ESYT2: variants seen among roughly 807,000 people sequenced by gnomAD.
The protein encoded by ESYT2 is extended synaptotagmin-2.
Under a neutral mutation model 107.2 loss-of-function variants are expected in ESYT2, and 54 were observed. The observed-to-expected ratio is 0.50, with a 90% CI of 0.40 to 0.63. ESYT2 has a LOEUF of 0.63. Ranked by LOEUF, ESYT2 falls within the 30% of genes least tolerant of loss-of-function variation. ESYT2 has a pLI of 0.00. For missense variants in ESYT2, 1,020 were observed against 1,094.5 expected (o/e 0.93, Z 0.96); for synonymous variants, 491 against 434.1 (o/e 1.13, Z -1.63).
At chr7:158,741,923 T>C in intron 17 of ESYT2, 27 bp from the exon 18 acceptor site, 2 of 1,545,420 alleles carry the variant, frequency 1.3e-6, no homozygotes, top group East Asian at 4.5e-5. Context: ...ACATAAAAAT[T>C]AAACTTGGTG....
At chr7:158,782,166 C>G (rs1394952058) in intron 6 of ESYT2, among the ~76,000 whole-genome samples, 1 of 148,264 alleles carries the variant, frequency 6.7e-6, no homozygotes, top group African/African-American at 2.5e-5. Context: ...AGTGTGAGAA[C>G]AGTGAGGTGT....
chr7:158,797,990 G>A lies in ESYT2; in HGVS notation c.459C>T (p.Asn153=). The A allele has an allele frequency of 6.2e-7, 1 of 1,614,152 alleles. No individual in the cohort carries two copies. The highest frequency in any genetic ancestry group is 1.7e-5 in the Admixed American group (1 of 60,026). ...TGAAACTAAAGGTGCTAAGGTGGGT[G>A]TTTGCTCCCCGCACGGCTGGTTCTA... The part of the protein sequence containing the change: ...ETIEPAVRGA[N]THLSTFSFTK... Residue 153 remains asparagine (N), a synonymous_variant, in exon 3 of 23, where the codon AAC becomes AAT. Transcript: ENST00000275418.
intron 1 of ESYT2, among the ~76,000 whole-genome samples, chr7:158,822,382 T>C (rs1840309907): frequency 6.6e-6 from 1 of 152,224 alleles, no homozygotes; most frequent in Non-Finnish European, 1.5e-5. Context: ...ATTTCGGTTT[T>C]TTATATTTTT....
At chr7:158,770,322 GTAAACATAATT>G (rs1334197659) in intron 7 of ESYT2, among the ~76,000 whole-genome samples, 1 of 150,934 alleles carries the variant, frequency 6.6e-6, no homozygotes, top group Non-Finnish European at 1.5e-5. Flanking sequence ...TAACATTTAT[GTAAACATAATT>G]TATTATATAA....
intron 3 of ESYT2, among the ~76,000 whole-genome samples, chr7:158,796,197 A>T (rs1246751517): frequency 3.9e-5 from 6 of 152,188 alleles, no homozygotes; most frequent in African/African-American, 1.4e-4. Flanking sequence ...AAGAACTATC[A>T]CGTTCTGAGT....
At chr7:158,828,421 G>A (rs542555335) in intron 1 of ESYT2, among the ~76,000 whole-genome samples, 2 of 152,364 alleles carry the variant, frequency 1.3e-5, no homozygotes, top group Non-Finnish European at 2.9e-5. Context: ...CCCCGCGGGC[G>A]GCACCAGGAG....
rs940905049 is a variant in ESYT2, at chr7:158,741,875, C to A, written c.1816G>T (p.Glu606Ter). 6.2e-6 allele frequency: 10 copies of A among 1,606,464 alleles called. No homozygotes were observed. Among genetic ancestry groups the A allele is most frequent in the Non-Finnish European group, 7.6e-6 (9 of 1,176,984 alleles). ...GAGTGTTGGTGGTCTGGAGGCCTTT[C>A]TCGCTTTTCGAGATGGAGCACCTAG... Reference protein sequence around the residue: ...ALRVLHLEKRERPPDHQHSAQ... With the variant: ...ALRVLHLEKR The change falls in exon 18 of 23, where the codon GAA (glutamate) becomes TAA (stop). Residue 606 changes from glutamate (E) to a stop codon, truncating the protein, a stop_gained. Coordinates refer to ENST00000275418, the MANE Select transcript of ESYT2 (RefSeq NM_001367773.1). LOFTEE classifies it high-confidence loss of function.
intron 1 of ESYT2, 91 bp downstream of exon 1, chr7:158,828,998 C>A: frequency 6.7e-7 from 1 of 1,502,188 alleles, no homozygotes; most frequent in Non-Finnish European, 8.8e-7. Flanking sequence ...CTCACCCAGG[C>A]GGCAGGTCGC....
At chr7:158,804,949 C>G (rs1309522936) in intron 1 of ESYT2, among the ~76,000 whole-genome samples, 1 of 152,198 alleles carries the variant, frequency 6.6e-6, no homozygotes, top group Non-Finnish European at 1.5e-5. Flanking sequence ...CTCAGAGCCA[C>G]CTCTTCATAT....
intron 4 of ESYT2, among the ~76,000 whole-genome samples, chr7:158,793,097 T>G (rs1036072957): frequency 6.6e-6 from 1 of 152,156 alleles, no homozygotes; most frequent in African/African-American, 2.4e-5. Flanking sequence ...GGGGTTTTCT[T>G]ATATGGTTTT....
intron 6 of ESYT2, among the ~76,000 whole-genome samples, chr7:158,780,681 G>C (rs530901008): frequency 6.6e-6 from 1 of 152,352 alleles, no homozygotes; most frequent in East Asian, 1.9e-4. Flanking sequence ...ATACATTTAA[G>C]TGCTACTGAA....
chr7:158,775,474 T>C (rs570825081), intron 6 of ESYT2, among the ~76,000 whole-genome samples: 4 of 152,374 alleles, frequency 2.6e-5, no homozygotes, highest in African/African-American at 9.6e-5. Context: ...ACTAAATTTA[T>C]GTGATATTCT....
intron 1 of ESYT2, among the ~76,000 whole-genome samples, chr7:158,826,920 T>C (rs775469393): frequency 1.3e-5 from 2 of 151,472 alleles, no homozygotes; most frequent in Non-Finnish European, 2.9e-5. Context: ...ATCCCTGCAC[T>C]TGGGGAGGCC....
chr7:158,750,799 G>A (rs1328284353), intron 14 of ESYT2, among the ~76,000 whole-genome samples: 1 of 152,226 alleles, frequency 6.6e-6, no homozygotes, highest in East Asian at 1.9e-4. Context: ...AGATTTTGTT[G>A]GCTAACCTCC....
chr7:158,776,189 C>T, intron 6 of ESYT2, among the ~76,000 whole-genome samples: 1 of 152,156 alleles, frequency 6.6e-6, no homozygotes, highest in East Asian at 1.9e-4. Context: ...AGAACACAGA[C>T]AGTGTAGATA....
chr7:158,814,791 C>T lies in ESYT2; in HGVS notation c.330+14298G>A, dbSNP rs1001429268. Among the ~76,000 whole-genome samples, 5 of 152,350 alleles carry T rather than the reference C, an allele frequency of 3.3e-5. No individual in the cohort carries two copies. In the East Asian group the frequency reaches 7.7e-4, roughly 24 times the overall value. On this transcript the variant is annotated intron_variant, in intron 1 of 22. Coordinates refer to ENST00000275418, the MANE Select transcript of ESYT2 (RefSeq NM_001367773.1). ...GGCACTGAGTATGGCCAGGCGGGTA[C>T]ACCTGACTTGTACTGGGGTGACTGC...
intron 1 of ESYT2, among the ~76,000 whole-genome samples, chr7:158,803,460 C>A (rs921665705): frequency 2.0e-5 from 3 of 152,192 alleles, no homozygotes; most frequent in Non-Finnish European, 4.4e-5. Flanking sequence ...GCAACACACC[C>A]TTACTTGGAA....
At chr7:158,828,622 G>A (rs1464626036) in intron 1 of ESYT2, among the ~76,000 whole-genome samples, 1 of 152,218 alleles carries the variant, frequency 6.6e-6, no homozygotes, top group Non-Finnish European at 1.5e-5. Flanking sequence ...GAGCCTGGGC[G>A]GGCGGGGAAG....
At chr7:158,778,346 T>C (rs1237392612) in intron 6 of ESYT2, among the ~76,000 whole-genome samples, 1 of 152,126 alleles carries the variant, frequency 6.6e-6, no homozygotes, top group Non-Finnish European at 1.5e-5. Flanking sequence ...GGACTGACTT[T>C]AGAAAAAGTC....
Sources: gnomAD v4.1 joint callset for allele counts (sites outside exome capture counted in the v4.1 genomes callset) on GRCh38, gnomAD v4.1.1 for gene constraint, MANE v1.5 for transcripts, NCBI Gene and HGNC (gene_info 2026-07-23, HGNC 2026-07-21) for gene names.